The following FAT3 variants were observed in gnomAD, a reference collection of about 807,000 sequenced individuals.
FAT3 encodes protocadherin Fat 3.
Under a neutral mutation model 310.2 loss-of-function variants are expected in FAT3, and 95 were observed. That is an observed-to-expected ratio of 0.31 (90% confidence interval 0.26 to 0.36). FAT3 has a LOEUF of 0.36. Among genes scored for constraint, FAT3 ranks in the 10% least tolerant of loss-of-function variants. FAT3 has a pLI of 1.00. For missense variants in FAT3, 5,408 were observed against 5,715.6 expected (o/e 0.95, Z 1.74); for synonymous variants, 2,314 against 2,192.9 (o/e 1.06, Z -1.54).
chr11:92,288,191 G>T (rs1714797119), intron 1 of FAT3, among the ~76,000 whole-genome samples: 1 of 152,076 alleles, frequency 6.6e-6, no homozygotes, highest in Admixed American at 6.6e-5. Flanking sequence ...TGAACCTGGA[G>T]GACATTATGC....
At position 92,367,648 on chromosome 11, in the gene FAT3, A is replaced by C. The variant is rs142509992; in HGVS notation, c.3292+12244A>C. ...CTTGCCTCCAAAAAAACAACAACAA[A>C]AAAAAACTGATAGTAGAGACAGAAA... On this transcript the variant is annotated intron_variant, in intron 2 of 27. Transcript: ENST00000525166. Among the ~76,000 whole-genome samples the C allele has an allele frequency of 1.9e-3, 289 of 152,210 alleles. 3 individuals are homozygous for C. The highest frequency in any genetic ancestry group is 0.011 in the East Asian group (58 of 5,166).
chr11:92,591,389 AAAG>A (rs1640368372), intron 3 of FAT3, among the ~76,000 whole-genome samples: 1 of 152,126 alleles, frequency 6.6e-6, no homozygotes, highest in Non-Finnish European at 1.5e-5. Context: ...CACTGTGAGA[AAAG>A]AACACTGAGG....
At chr11:92,831,452 T>C (rs1948247487) in intron 13 of FAT3, among the ~76,000 whole-genome samples, 170 bp from the exon 14 acceptor site, 1 of 152,180 alleles carries the variant, frequency 6.6e-6, no homozygotes, top group South Asian at 2.1e-4. Context: ...TCCATTGTCT[T>C]TTTTTTCCCA....
chr11:92,822,448 C>T (rs1947992121), intron 13 of FAT3, among the ~76,000 whole-genome samples: 1 of 152,158 alleles, frequency 6.6e-6, no homozygotes, highest in South Asian at 2.1e-4. Context: ...GCATTTTCTG[C>T]AGAAAATCCA....
intron 2 of FAT3, among the ~76,000 whole-genome samples, chr11:92,477,317 A>G (rs1031624026): frequency 2.0e-5 from 3 of 152,202 alleles, no homozygotes; most frequent in Non-Finnish European, 4.4e-5. Flanking sequence ...TGCTTTGTGT[A>G]GGTGGCAAAC....
At chr11:92,783,357 C>CAAAAAAAAA (rs35357267) in intron 7 of FAT3, among the ~76,000 whole-genome samples, 2 of 45,074 alleles carry the variant, frequency 4.4e-5, no homozygotes, top group Non-Finnish European at 7.6e-5. Flanking sequence ...GACTCCATCT[C>CAAAAAAAAA]AAAAAAAAAA....
intron 19 of FAT3, among the ~76,000 whole-genome samples, chr11:92,853,097 C>T (rs907574076): frequency 2.6e-5 from 4 of 152,220 alleles, no homozygotes; most frequent in African/African-American, 9.6e-5. Context: ...GGCCCAGATC[C>T]CACACCTGCC....
intron 1 of FAT3, among the ~76,000 whole-genome samples, chr11:92,229,823 G>A (rs1171197565): frequency 1.3e-5 from 2 of 149,184 alleles, no homozygotes; most frequent in African/African-American, 4.9e-5. Flanking sequence ...CTGCTAAGTG[G>A]AAGGGATGAA....
intron 1 of FAT3, among the ~76,000 whole-genome samples, chr11:92,308,419 T>C (rs777675502): frequency 1.3e-5 from 2 of 152,204 alleles, no homozygotes; most frequent in Non-Finnish European, 2.9e-5. Flanking sequence ...GGATGTTGTT[T>C]TATCTCTGGG....
At chr11:92,739,131 T>G (rs1393368596) in intron 4 of FAT3, among the ~76,000 whole-genome samples, 3 of 152,116 alleles carry the variant, frequency 2.0e-5, no homozygotes. Context: ...GACAGATGGA[T>G]CTCACCCTAA....
chr11:92,703,226 A>G (rs1345899673), intron 4 of FAT3, among the ~76,000 whole-genome samples: 1 of 152,180 alleles, frequency 6.6e-6, no homozygotes, highest in Non-Finnish European at 1.5e-5. Flanking sequence ...TAGGATGCAA[A>G]TTGATTTCTT....
chr11:92,872,490 A>AG (rs375452097), intron 22 of FAT3, among the ~76,000 whole-genome samples: 75 of 152,266 alleles, frequency 4.9e-4, no homozygotes, highest in South Asian at 6.2e-4. Flanking sequence ...ATGGAAAAAA[A>AG]TTTTTCTGGG....
At position 92,395,781 on chromosome 11, in the gene FAT3, G is replaced by T. The variant is rs192914232; in HGVS notation, c.3292+40377G>T. On this transcript the variant is annotated intron_variant, in intron 2 of 27. Transcript: ENST00000525166. ...TTTAATAGAGACAGGGTTTCACCAT[G>T]TTGGCCAGGCTGGTCTCGAACTCCT... is the stretch of plus-strand genomic sequence containing the variant. 1.9e-3 allele frequency among the ~76,000 whole-genome samples: 293 copies of T among 152,136 alleles called. 3 individuals are homozygous for T. Among genetic ancestry groups the T allele is most frequent in the African/African-American group, 6.3e-3 (261 of 41,506 alleles).
chr11:92,442,111 A>ATATATATATTTTTTTTTTTTT (rs1453396603), intron 2 of FAT3, among the ~76,000 whole-genome samples: 3 of 45,218 alleles, frequency 6.6e-5, no homozygotes, highest in Admixed American at 4.5e-4. Flanking sequence ...ATATATATAT[A>ATATATATATTTTTTTTTTTTT]TTTTTTTTTT....
rs373376717 is a variant in FAT3 at position 92,597,821 on chromosome 11, A to G, written c.3607+72873A>G. On this transcript the variant is annotated intron_variant, in intron 3 of 27. Coordinates refer to ENST00000525166, the MANE Select transcript of FAT3 (RefSeq NM_001367949.2). ...TTGAAATAGCAGAGTAGAAAAATGC[A>G]TCAGTAATCCATGGGAATACAAAAG... Among the ~76,000 whole-genome samples, 25 of 152,350 alleles carry G rather than the reference A, an allele frequency of 1.6e-4. No individual in the cohort carries two copies. In the East Asian group the frequency reaches 2.3e-3, roughly 14 times the overall value.
chr11:92,385,184 C>T (rs1949588419), intron 2 of FAT3, among the ~76,000 whole-genome samples: 1 of 152,186 alleles, frequency 6.6e-6, no homozygotes, highest in South Asian at 2.1e-4. Context: ...TCAATTACTT[C>T]TCTTTCTACA....
At chr11:92,382,801 C>T (rs1373556299) in intron 2 of FAT3, among the ~76,000 whole-genome samples, 3 of 152,140 alleles carry the variant, frequency 2.0e-5, no homozygotes, top group African/African-American at 7.2e-5. Context: ...ATGGGTAGGC[C>T]AGGCTTCTGC....
In FAT3 at chr11:92,679,059, T is replaced by C. The variant is rs1344013038; in HGVS notation, c.3608-18325T>C. The stretch of plus-strand genomic sequence containing the variant: ...TCGTGCAAACATGTGATATTTGACA[T>C]TCTTTGGCTGGCTTGTTTCACTTAA... On this transcript the variant is annotated intron_variant, in intron 3 of 27. Coordinates refer to ENST00000525166, the MANE Select transcript of FAT3 (RefSeq NM_001367949.2). 2.0e-5 allele frequency among the ~76,000 whole-genome samples: 3 copies of C among 152,214 alleles called. No homozygotes were observed. The South Asian group carries it at 6.2e-4, about 31-fold the overall frequency.
At chr11:92,246,929 A>G (rs1035206530) in intron 1 of FAT3, among the ~76,000 whole-genome samples, 1 of 152,132 alleles carries the variant, frequency 6.6e-6, no homozygotes, top group African/African-American at 2.4e-5. Context: ...AGGAATATTA[A>G]GGAAAACTAG....
Sources: allele counts gnomAD v4.1 joint callset (sites outside exome capture counted in the v4.1 genomes callset), GRCh38; gene constraint gnomAD v4.1.1; transcripts MANE v1.5; gene names NCBI Gene and HGNC (gene_info 2026-07-23, HGNC 2026-07-21).